The following ACACA variants were observed in gnomAD, a reference collection of about 807,000 sequenced individuals.
ACACA encodes acetyl-CoA carboxylase alpha, also known as acetyl-CoA carboxylase 1.
A neutral mutation model predicts 296.1 loss-of-function variants in ACACA; 103 were observed. That is an observed-to-expected ratio of 0.35 (90% CI 0.30 to 0.41). The LOEUF is 0.41. ACACA is among the 10% of genes least tolerant of loss of function. The pLI, the probability that ACACA is intolerant of heterozygous loss-of-function variation, is 1.00. For missense variants in ACACA, 1,554 were observed against 2,989.7 expected (o/e 0.52, Z 11.20); for synonymous variants, 953 against 1,038.6 (o/e 0.92, Z 1.58).
Position 37,130,158 on chromosome 17 carries a change from T to C in ACACA, c.5740A>G (p.Asn1914Asp). ...ACAGTGCAGTGGGTCACCCCATTGT[T>C]GTGCATAATCTGGATGCCCCCCAGC... The part of the protein sequence containing the change: ...NQLGGIQIMH[N>D]NGVTHCTVCD... The change falls in exon 46 of 56, where the codon AAC (asparagine) becomes GAC (aspartate). Residue 1914 changes from asparagine (N) to aspartate (D), a missense_variant. This residue lies in a region of ACACA where 553 missense variants were observed against 1,043.6 expected (regional missense o/e 0.53). Transcript: ENST00000616317. 6.2e-7 allele frequency: 1 copy of C among 1,614,198 alleles called. No homozygotes were observed. Among genetic ancestry groups the C allele is most frequent in the Non-Finnish European group, 8.5e-7 (1 of 1,180,030 alleles).
At chr17:37,254,299 A>C (rs1303137709) in intron 14 of ACACA, among the ~76,000 whole-genome samples, 2 of 152,186 alleles carry the variant, frequency 1.3e-5, no homozygotes, top group Non-Finnish European at 2.9e-5. Flanking sequence ...TATAGCTGAT[A>C]ATTATAACTG....
chr17:37,401,660 G>C lies in ACACA; in HGVS notation c.38+4602C>G, dbSNP rs556510502. Among the ~76,000 whole-genome samples the C allele has an allele frequency of 8.5e-4, 128 of 151,478 alleles. No homozygotes were observed. The South Asian group carries it at 0.026, about 31-fold the overall frequency. On this transcript the variant is annotated intron_variant, in intron 1 of 55. Transcript: ENST00000616317. ...TACAGCCTCAACTGTCTGAGCTCAA[G>C]TGATTCTCCTACCTCAGCCTCCCAA... is the stretch of plus-strand genomic sequence containing the variant.
rs1395243684 is a variant in ACACA at position 37,348,964 on chromosome 17, A to AC, written c.39-9115dup. ...ACTCCGTCTCAAAAAAAAAAAAAAA[A>AC]CACCAATGCAATAACTGATGTTGGC... On this transcript the variant is annotated intron_variant, in intron 1 of 55. Coordinates refer to ENST00000616317, the MANE Select transcript of ACACA (RefSeq NM_198834.3). Among the ~76,000 whole-genome samples, 197 of 151,936 alleles carry AC rather than the reference A, an allele frequency of 1.3e-3. 1 individual carries two copies. The highest frequency in any genetic ancestry group is 4.5e-3 in the African/African-American group (188 of 41,472).
intron 9 of ACACA, among the ~76,000 whole-genome samples, chr17:37,271,787 T>G (rs2082083860): frequency 6.6e-6 from 1 of 151,750 alleles, no homozygotes; most frequent in Admixed American, 6.6e-5. Context: ...CTGGCCAACA[T>G]GGTGAAACCC....
intron 1 of ACACA, among the ~76,000 whole-genome samples, chr17:37,368,414 C>G (rs556158655): frequency 1.1e-4 from 17 of 152,258 alleles, no homozygotes; most frequent in African/African-American, 4.1e-4. Flanking sequence ...AACCCTGTCT[C>G]TACTAAAAAT....
Position 37,217,811 on chromosome 17 carries a change from T to C in ACACA, c.3683+3913A>G, listed in dbSNP as rs953067851. On this transcript the variant is annotated intron_variant, in intron 29 of 55. Coordinates refer to ENST00000616317, the MANE Select transcript of ACACA (RefSeq NM_198834.3). ...AATTTTTGGTCTGTACTAGGTATGGTGGCACATGCCTGTAGTCCCAGCTAC... is the reference window on the plus strand; with the variant it reads ...AATTTTTGGTCTGTACTAGGTATGGCGGCACATGCCTGTAGTCCCAGCTAC... 8.1e-5 allele frequency among the ~76,000 whole-genome samples: 12 copies of C among 147,544 alleles called. No homozygotes were observed. The Admixed American group carries it at 8.1e-4, about 10-fold the overall frequency.
chr17:37,302,233 G>A (rs1229275998), intron 3 of ACACA, among the ~76,000 whole-genome samples: 7 of 141,992 alleles, frequency 4.9e-5, no homozygotes, highest in South Asian at 2.2e-4. Context: ...ACAGGGTTTC[G>A]CTCTTGTGAC....
intron 3 of ACACA, among the ~76,000 whole-genome samples, chr17:37,307,276 G>A (rs903034588): frequency 1.3e-5 from 2 of 152,210 alleles, no homozygotes; most frequent in Non-Finnish European, 2.9e-5. Context: ...GTATGTGCAT[G>A]TTTAGCTTTA....
chr17:37,173,937 C>T, intron 41 of ACACA, among the ~76,000 whole-genome samples: 1 of 133,294 alleles, frequency 7.5e-6, no homozygotes, highest in Non-Finnish European at 1.6e-5. Flanking sequence ...CCTCAGTCTC[C>T]TGAGTAGCTG....
rs201532681 is a variant in ACACA at position 37,155,663 on chromosome 17, T to C, written c.5447+20A>G. 373 of 1,539,882 alleles carry C rather than the reference T, an allele frequency of 2.4e-4. 2 individuals are homozygous for C. The African/African-American group carries it at 4.7e-3, about 19-fold the overall frequency. ...CTTTCTTTAGTCATGACCAAATTAT[T>C]CCAATACATATATACCTACCTGGAT... On this transcript the variant is annotated intron_variant, in intron 43 of 55. Coordinates refer to ENST00000616317, the MANE Select transcript of ACACA (RefSeq NM_198834.3).
intron 3 of ACACA, among the ~76,000 whole-genome samples, chr17:37,286,110 G>C (rs961605318): frequency 1.3e-5 from 2 of 152,094 alleles, no homozygotes; most frequent in Non-Finnish European, 2.9e-5. Flanking sequence ...GGCTGGTCTC[G>C]AACTCCTGAC....
At position 37,230,815 on chromosome 17, in the gene ACACA, G is replaced by A. The variant is rs565379503; in HGVS notation, c.3246+4160C>T. ...TTAGATGGTGTCTAGGTCAGCAGATGTGTTTAGTCAACATAAAAAGGTTTG... is the reference window on the plus strand; with the variant it reads ...TTAGATGGTGTCTAGGTCAGCAGATATGTTTAGTCAACATAAAAAGGTTTG... On this transcript the variant is annotated intron_variant, in intron 25 of 55. Coordinates refer to ENST00000616317, the MANE Select transcript of ACACA (RefSeq NM_198834.3). 1.9e-4 allele frequency among the ~76,000 whole-genome samples: 29 copies of A among 152,278 alleles called. 1 individual carries two copies. Among genetic ancestry groups the A allele is most frequent in the Middle Eastern group, 6.8e-3 (2 of 294 alleles).
intron 1 of ACACA, chr17:37,391,501 A>G (rs1035648943): frequency 1.4e-6 from 1 of 694,356 alleles, no homozygotes. Context: ...ATACTTTCTC[A>G]GTGTAATTAT....
At position 37,151,434 on chromosome 17, in the gene ACACA, G is replaced by C; in HGVS notation, c.5448-13C>G. On this transcript the variant is annotated splice_polypyrimidine_tract_variant and intron_variant, in intron 43 of 55. Transcript: ENST00000616317. ...TGTTATCTTGTACCTATTGGATATG[G>C]CCATGTCAAATTATGAATGTTAAAC... The C allele has an allele frequency of 6.2e-7, 1 of 1,613,070 alleles. No homozygotes were observed. The highest frequency in any genetic ancestry group is 8.5e-7 in the Non-Finnish European group (1 of 1,179,662).
chr17:37,303,243 T>C (rs1297649292), intron 3 of ACACA, among the ~76,000 whole-genome samples: 1 of 152,210 alleles, frequency 6.6e-6, no homozygotes, highest in Non-Finnish European at 1.5e-5. Flanking sequence ...TTCATATAAA[T>C]GGAATAATAT....
At chr17:37,296,337 G>C (rs1165609149) in intron 3 of ACACA, among the ~76,000 whole-genome samples, 1 of 126,232 alleles carries the variant, frequency 7.9e-6, no homozygotes, top group African/African-American at 3.1e-5. Context: ...ACAGAGTCTC[G>C]CTCTCTCTCC....
At chr17:37,087,636 T>C (rs2072299743) in intron 55 of ACACA, among the ~76,000 whole-genome samples, 197 bp from the exon 56 acceptor site, 1 of 151,908 alleles carries the variant, frequency 6.6e-6, no homozygotes, top group Admixed American at 6.6e-5. Flanking sequence ...TTTGCTATGT[T>C]GAAAAAGGAA....
At chr17:37,349,609 T>C (rs551200734) in intron 1 of ACACA, among the ~76,000 whole-genome samples, 1 of 147,166 alleles carries the variant, frequency 6.8e-6, no homozygotes, top group South Asian at 2.2e-4. Flanking sequence ...CAGGCTGGAG[T>C]GCAATGGCCA....
intron 16 of ACACA, among the ~76,000 whole-genome samples, chr17:37,250,422 G>A (rs1355080999): frequency 5.3e-5 from 8 of 151,860 alleles, no homozygotes; most frequent in African/African-American, 1.7e-4. Flanking sequence ...GGCAGATCAC[G>A]AGGTCAAGAG....
Sources: gnomAD v4.1 joint callset for allele counts (sites outside exome capture counted in the v4.1 genomes callset) on GRCh38, gnomAD v4.1.1 for gene constraint, gnomAD v4.1.1 regional missense constraint, MANE v1.5 for transcripts, NCBI Gene and HGNC (gene_info 2026-07-23, HGNC 2026-07-21) for gene names.